Variants in CSMD3 observed in about 807,000 individuals in gnomAD.
CSMD3 encodes CUB and sushi domain-containing protein 3.
A neutral mutation model predicts 435.2 loss-of-function variants in CSMD3; 177 were observed. The ratio of observed to expected loss-of-function variants is 0.41; its 90% CI spans 0.36 to 0.46. The LOEUF (loss-of-function observed/expected upper bound fraction) is 0.46. Ranked by LOEUF, CSMD3 falls within the 20% of genes least tolerant of loss-of-function variation. CSMD3 has a pLI of 0.34. For synonymous variants in CSMD3, 1,656 were observed against 1,520.5 expected (o/e 1.09, Z -2.07); for missense variants, 4,265 against 4,504.6 (o/e 0.95, Z 1.52).
At chr8:113,045,406 T>A (rs1221211791) in intron 5 of CSMD3, among the ~76,000 whole-genome samples, 1 of 149,286 alleles carries the variant, frequency 6.7e-6, no homozygotes, top group Non-Finnish European at 1.5e-5. Flanking sequence ...AACTTTGGGG[T>A]TATTTGGAAT....
chr8:112,920,323 A>G (rs2082696442), intron 10 of CSMD3, among the ~76,000 whole-genome samples: 1 of 151,930 alleles, frequency 6.6e-6, no homozygotes, highest in Admixed American at 6.6e-5. Flanking sequence ...CAAGCAGTTA[A>G]AGAAAAGAAA....
intron 1 of CSMD3, among the ~76,000 whole-genome samples, chr8:113,415,036 A>C (rs940071022): frequency 1.3e-5 from 2 of 152,190 alleles, no homozygotes; most frequent in African/African-American, 4.8e-5. Context: ...ATGCAGAATT[A>C]ACTAGTGAAA....
chr8:113,031,884 A>C lies in CSMD3; in HGVS notation c.918-12705T>G, dbSNP rs544392844. ...GTGGAAGTGATTGGATTATGGGGGCAGTTTCTGCCTGCTGCTCTCATGATA... is the reference window on the plus strand; with the variant it reads ...GTGGAAGTGATTGGATTATGGGGGCCGTTTCTGCCTGCTGCTCTCATGATA... On this transcript the variant is annotated intron_variant, in intron 5 of 70. Transcript: ENST00000297405. 4.6e-5 allele frequency among the ~76,000 whole-genome samples: 7 copies of C among 151,662 alleles called. No homozygotes were observed. The South Asian group carries it at 1.0e-3, about 23-fold the overall frequency.
intron 61 of CSMD3, among the ~76,000 whole-genome samples, chr8:112,257,162 G>A (rs1815888887): frequency 6.6e-6 from 1 of 152,006 alleles, no homozygotes; most frequent in Non-Finnish European, 1.5e-5. Context: ...ATACTGAATG[G>A]GCAAAAACTG....
chr8:112,969,577 T>A (rs187438431), intron 7 of CSMD3, among the ~76,000 whole-genome samples: 1 of 152,100 alleles, frequency 6.6e-6, no homozygotes, highest in Admixed American at 6.5e-5. Context: ...AGTAGTAATG[T>A]CTATAAAAAC....
chr8:113,043,185 A>G (rs2087695503), intron 5 of CSMD3, among the ~76,000 whole-genome samples: 1 of 152,158 alleles, frequency 6.6e-6, no homozygotes, highest in Admixed American at 6.5e-5. Flanking sequence ...TTAAATACAA[A>G]CATGCAGGGT....
intron 3 of CSMD3, among the ~76,000 whole-genome samples, chr8:113,180,019 A>C (rs2092401984): frequency 6.6e-6 from 1 of 151,958 alleles, no homozygotes. Flanking sequence ...ACAGAATTGC[A>C]TAATTATTCA....
At chr8:112,793,730 C>T (rs949540882) in intron 13 of CSMD3, among the ~76,000 whole-genome samples, 1 of 152,100 alleles carries the variant, frequency 6.6e-6, no homozygotes, top group Non-Finnish European at 1.5e-5. Flanking sequence ...TGTAATAAAA[C>T]CTTATTTGAA....
At chr8:113,073,292 T>A (rs965569391) in intron 5 of CSMD3, among the ~76,000 whole-genome samples, 2 of 151,878 alleles carry the variant, frequency 1.3e-5, no homozygotes, top group African/African-American at 4.8e-5. Flanking sequence ...TGACTTTTTT[T>A]TCCGACTATC....
At chr8:112,543,579 G>T (rs1490774630) in intron 27 of CSMD3, among the ~76,000 whole-genome samples, 2 of 152,100 alleles carry the variant, frequency 1.3e-5, no homozygotes, top group South Asian at 2.1e-4. Context: ...ATTAAAAAAA[G>T]GTGTTGGCAA....
chr8:113,328,106 C>G (rs1475697317), intron 1 of CSMD3, among the ~76,000 whole-genome samples: 2 of 152,046 alleles, frequency 1.3e-5, no homozygotes, highest in East Asian at 1.9e-4. Flanking sequence ...CAGACACACA[C>G]ACACACACAC....
chr8:112,882,384 C>A (rs1325668136), intron 10 of CSMD3, among the ~76,000 whole-genome samples: 2 of 151,918 alleles, frequency 1.3e-5, no homozygotes, highest in Non-Finnish European at 2.9e-5. Context: ...GAGAAAAATG[C>A]AGATTTACTG....
At chr8:112,608,208 G>A (rs1423305379) in intron 22 of CSMD3, among the ~76,000 whole-genome samples, 1 of 151,818 alleles carries the variant, frequency 6.6e-6, no homozygotes, top group Non-Finnish European at 1.5e-5. Context: ...ATGTATAATA[G>A]CATAAAAAAG....
At chr8:113,097,741 C>T (rs2090208305) in intron 5 of CSMD3, among the ~76,000 whole-genome samples, 1 of 151,998 alleles carries the variant, frequency 6.6e-6, no homozygotes, top group Non-Finnish European at 1.5e-5. Flanking sequence ...TTACAGGGTT[C>T]TCATTCCAAA....
chr8:112,314,383 T>C (rs377456278), intron 48 of CSMD3, 46 bp downstream of exon 48: 12 of 1,319,316 alleles, frequency 9.1e-6, no homozygotes, highest in Non-Finnish European at 1.2e-5. Flanking sequence ...AATTAGAACA[T>C]TTGTACTTAA....
At chr8:113,207,629 T>G (rs1173703902) in intron 3 of CSMD3, among the ~76,000 whole-genome samples, 10 of 152,030 alleles carry the variant, frequency 6.6e-5, no homozygotes, top group Non-Finnish European at 1.3e-4. Context: ...ATGATTTGCC[T>G]GCCTCGGTCT....
At chr8:112,225,789 A>T (rs978433651) in intron 70 of CSMD3, among the ~76,000 whole-genome samples, 1 of 152,206 alleles carries the variant, frequency 6.6e-6, no homozygotes, top group Non-Finnish European at 1.5e-5. Context: ...AGGACTACTA[A>T]CAATTAGTTA....
chr8:112,557,032 T>C, intron 24 of CSMD3, 78 bp from the exon 25 acceptor site: 1 of 913,002 alleles, frequency 1.1e-6, no homozygotes, highest in Non-Finnish European at 1.8e-6. Flanking sequence ...TCCTTTCCTT[T>C]ACTATTTTTG....
chr8:113,436,086 A>G (rs2094704496), intron 1 of CSMD3, among the ~76,000 whole-genome samples: 1 of 151,994 alleles, frequency 6.6e-6, no homozygotes. Context: ...TTTTTTGCCA[A>G]ACCTCTACCA....
Sources: gnomAD v4.1 joint callset for allele counts (sites outside exome capture counted in the v4.1 genomes callset) on GRCh38, gnomAD v4.1.1 for gene constraint, MANE v1.5 for transcripts, NCBI Gene and HGNC (gene_info 2026-07-23, HGNC 2026-07-21) for gene names.